IDO1: variants seen among roughly 807,000 people sequenced by gnomAD.
IDO1 encodes the protein indolamine 2,3 dioxygenase.
IDO1 carries 35 observed loss-of-function variants against 38.8 expected under a neutral mutation model. That is an observed-to-expected ratio of 0.90 (90% confidence interval 0.69 to 1.20). The LOEUF is 1.20. Among genes scored for constraint, IDO1 ranks in the 50% most tolerant of loss-of-function variants. IDO1 has a pLI of 0.00. For synonymous variants in IDO1, 171 were observed against 170.0 expected (o/e 1.01, Z -0.05); for missense variants, 509 against 485.1 (o/e 1.05, Z -0.46).
In IDO1 at chr8:39,922,612, C is replaced by T. The variant is rs757126776; in HGVS notation, c.498C>T (p.Val166=). 1 of 1,612,962 alleles carries T rather than the reference C, an allele frequency of 6.2e-7. No homozygotes were observed. Among genetic ancestry groups the T allele is most frequent in the Non-Finnish European group, 8.5e-7 (1 of 1,179,332 alleles). ...DGDCSKGFFL[V]SLLVEIAAAS... is the part of the protein sequence containing the mutation. ...ACTGCAGTAAAGGATTCTTCCTGGT[C>T]TCTCTATTGGTGGAAATAGCAGCTG... The change falls in exon 6 of 10, where the codon GTC becomes GTT. Residue 166 remains valine, a synonymous_variant. Transcript: ENST00000518237.
chr8:39,919,693 C>T (rs1807240854), intron 4 of IDO1, among the ~76,000 whole-genome samples: 1 of 151,934 alleles, frequency 6.6e-6, no homozygotes, highest in Non-Finnish European at 1.5e-5. Flanking sequence ...AAAAAAAATT[C>T]ACCGGGAATG....
In IDO1 at chr8:39,918,191, A is replaced by T. The variant is rs980306872; in HGVS notation, c.287A>T (p.His96Leu). The T allele has an allele frequency of 1.9e-6, 3 of 1,612,752 alleles. No homozygotes were observed. Among genetic ancestry groups the T allele is most frequent in the Non-Finnish European group, 2.5e-6 (3 of 1,178,942 alleles). Residue 96 changes from histidine (H) to leucine (L), a missense_variant, in exon 3 of 10, where the codon CAT (histidine) becomes CTT (leucine). Physicochemically the swap from His to Leu is moderately conservative, Grantham distance 99. Coordinates refer to ENST00000518237, the MANE Select transcript of IDO1 (RefSeq NM_002164.6). ...ATGGCATATGTGTGGGGCAAAGGTC[A>T]TGGAGATGTCCGTAAGGTTTGGAGA... Reference protein sequence around the residue: ...ITMAYVWGKGHGDVRKVLPRN... With the variant: ...ITMAYVWGKGLGDVRKVLPRN...
Position 39,918,131 on chromosome 8 carries a change from A to G in IDO1, c.227A>G (p.Gln76Arg). 6.2e-7 allele frequency: 1 copy of G among 1,613,980 alleles called. No individual in the cohort carries two copies. The highest frequency in any genetic ancestry group is 8.5e-7 in the Non-Finnish European group (1 of 1,179,844). The change falls in exon 3 of 10, where the codon CAG becomes CGG. Residue 76 changes from glutamine (Q) to arginine (R), a missense_variant. Physicochemically the swap from Gln to Arg is conservative, Grantham distance 43 (BLOSUM62 1). Coordinates refer to ENST00000518237, the MANE Select transcript of IDO1 (RefSeq NM_002164.6). The stretch of plus-strand genomic sequence containing the variant: ...GATCATCTCACAGACCACAAGTCAC[A>G]GCGCCTTGCACGTCTAGTTCTGGGA... ...SIDHLTDHKS[Q>R]RLARLVLGCI...
At chr8:39,922,891 A>G (rs1228099829) in intron 6 of IDO1, 6 of 513,024 alleles carry the variant, frequency 1.2e-5, no homozygotes, top group Admixed American at 7.3e-5. Context: ...AATTTTCAAT[A>G]AAATCTGGCT....
rs940755280 is a variant in IDO1, at chr8:39,928,682, A to G, written c.*497A>G. 6.6e-5 allele frequency among the ~76,000 whole-genome samples: 10 copies of G among 151,752 alleles called. No homozygotes were observed. Among genetic ancestry groups the G allele is most frequent in the African/African-American group, 9.7e-5 (4 of 41,290 alleles). ...TGGGAGGCGGAGCTTGCAGTGAGCC[A>G]AGATTGTGCCACTGCAATCCGGCCT... On this transcript the variant is annotated 3_prime_UTR_variant, in exon 10 of 10. Transcript: ENST00000518237.
Position 39,918,671 on chromosome 8 carries a change from G to C in IDO1, c.304-144G>C, listed in dbSNP as rs192838708. 1.7e-3 allele frequency: 951 copies of C among 571,304 alleles called. 7 individuals carry two copies. In the African/African-American group the frequency reaches 0.018, roughly 11 times the overall value. 35.4% of individuals were successfully genotyped at this position (571,304 alleles called of 1,614,324 possible). On this transcript the variant is annotated intron_variant, in intron 3 of 9. Coordinates refer to ENST00000518237, the MANE Select transcript of IDO1 (RefSeq NM_002164.6). Reference sequence around the variant, plus strand: ...TGAGGTGGGAGAATCACTTGAACCTGGGAGGCAGAGGTTGCAGTGAGCCGA... The same window carrying C: ...TGAGGTGGGAGAATCACTTGAACCTCGGAGGCAGAGGTTGCAGTGAGCCGA...
Position 39,922,653 on chromosome 8 carries a change from T to G in IDO1, c.537+2T>G. ...ATAGCAGCTGCTTCTGCAATCAAAG[T>G]ACGTCTATCCTCACTTCAAAATTTA... is the stretch of plus-strand genomic sequence containing the variant. On this transcript the variant is annotated splice_donor_variant, in intron 6 of 9. Transcript: ENST00000518237. LOFTEE classifies it high-confidence loss of function. 1 of 1,598,414 alleles carries G rather than the reference T, an allele frequency of 6.3e-7. No individual in the cohort carries two copies. Among genetic ancestry groups the G allele is most frequent in the Non-Finnish European group, 8.6e-7 (1 of 1,166,030 alleles).
chr8:39,918,859 G>T lies in IDO1; in HGVS notation c.348G>T (p.Lys116Asn), dbSNP rs12545878. Residue 116 changes from lysine to asparagine, a missense_variant, in exon 4 of 10, where the codon AAG (lysine) becomes AAT (asparagine). Physicochemically the swap from Lys to Asn is moderately conservative, Grantham distance 94. Transcript: ENST00000518237. ...NIAVPYCQLSKKLELPPILVY... is the reference protein window; with the variant it reads ...NIAVPYCQLSNKLELPPILVY... The stretch of plus-strand genomic sequence containing the variant: ...CTGTTCCTTACTGCCAACTCTCCAA[G>T]AAACTGGAACTGCCTCCTATTTTGG... 1.2e-6 allele frequency: 2 copies of T among 1,611,736 alleles called. No homozygotes were observed. The highest frequency in any genetic ancestry group is 2.7e-5 in the African/African-American group (2 of 74,332).
chr8:39,914,912 C>T (rs951122083), intron 1 of IDO1, among the ~76,000 whole-genome samples: 11 of 152,054 alleles, frequency 7.2e-5, no homozygotes, highest in African/African-American at 2.7e-4. Flanking sequence ...ATTATAGGCA[C>T]CTGCCACCAC....
chr8:39,915,526 C>A (rs1321154295), intron 1 of IDO1: 1 of 152,250 alleles, frequency 6.6e-6, no homozygotes, highest in East Asian at 1.9e-4. Context: ...TTTTCCTCTT[C>A]AGATTGTTAA....
At chr8:39,919,707 G>T (rs1807241222) in intron 4 of IDO1, among the ~76,000 whole-genome samples, 2 of 152,094 alleles carry the variant, frequency 1.3e-5, no homozygotes, top group Non-Finnish European at 2.9e-5. Context: ...GGGAATGGTG[G>T]CGTATGTCTG....
Position 39,928,728 on chromosome 8 carries a change from G to A in IDO1, c.*543G>A, listed in dbSNP as rs1273877111. Among the ~76,000 whole-genome samples, 6 of 132,830 alleles carry A rather than the reference G, an allele frequency of 4.5e-5. No individual in the cohort carries two copies. The highest frequency in any genetic ancestry group is 4.6e-4 in the South Asian group (2 of 4,332). The allele number at this position is 132,830 out of a possible 152,430, so 87.1% of individuals were successfully genotyped here. A position where few individuals can be genotyped will look rare whatever the true frequency, so the allele number is the denominator to read the frequency against. On this transcript the variant is annotated 3_prime_UTR_variant, in exon 10 of 10. Transcript: ENST00000518237. ...GGCCTGGGCTAAAGAGCGGGACTCC[G>A]TCTCAAAAAAAAAAAAAAAAAGATA...
At chr8:39,919,350 G>A (rs1807233306) in intron 4 of IDO1, among the ~76,000 whole-genome samples, 2 of 152,062 alleles carry the variant, frequency 1.3e-5, no homozygotes, top group South Asian at 4.1e-4. Flanking sequence ...TCATATCAAT[G>A]AAACCACAGA....
chr8:39,918,321 T>A, intron 3 of IDO1, 114 bp downstream of exon 3: 1 of 973,218 alleles, frequency 1.0e-6, no homozygotes, highest in Non-Finnish European at 1.5e-6. Flanking sequence ...AAAGTTTAGA[T>A]AACACGACAA....
chr8:39,913,916 T>A lies in IDO1; in HGVS notation c.-7T>A, dbSNP rs1807133829. ...ACTGAGGGGCACCAGAGGAGCAGAC[T>A]ACAAGAATGGCACACGCTATGGAAA... On this transcript the variant is annotated 5_prime_UTR_variant, in exon 1 of 10. Transcript: ENST00000518237. 1 of 1,561,666 alleles carries A rather than the reference T, an allele frequency of 6.4e-7. No individual in the cohort carries two copies. Among genetic ancestry groups the A allele is most frequent in the Admixed American group, 1.9e-5 (1 of 51,884 alleles).
intron 2 of IDO1, 35 bp from the exon 3 acceptor site, chr8:39,918,053 G>A: frequency 6.2e-7 from 1 of 1,613,174 alleles, no homozygotes; most frequent in Non-Finnish European, 8.5e-7. Context: ...ACATTACTGA[G>A]ATTGATTTGA....
chr8:39,918,954 A>G, intron 4 of IDO1, 21 bp downstream of exon 4: 4 of 1,389,194 alleles, frequency 2.9e-6, no homozygotes, highest in Non-Finnish European at 4.1e-6. Flanking sequence ...AGTGATAACA[A>G]CAGGAATTTT....
At chr8:39,926,215 G>T (rs116744524) in intron 9 of IDO1, among the ~76,000 whole-genome samples, 2,230 of 152,132 alleles carry the variant, frequency 0.015, 55 homozygotes, top group African/African-American at 0.049. Flanking sequence ...AAAACAAAAA[G>T]AAAAATAAAA....
intron 1 of IDO1, chr8:39,914,230 A>G (rs1807139812): frequency 4.7e-6 from 2 of 422,962 alleles, no homozygotes; most frequent in East Asian, 4.1e-5. Context: ...CTTACCTAAC[A>G]TGGATACGGA....
Sources: gnomAD v4.1 joint callset for allele counts (sites outside exome capture counted in the v4.1 genomes callset) on GRCh38, gnomAD v4.1.1 for gene constraint, MANE v1.5 for transcripts, NCBI Gene and HGNC (gene_info 2026-07-23, HGNC 2026-07-21) for gene names.